Variants in SPTB observed in about 807,000 individuals in gnomAD.
The protein encoded by SPTB is spectrin beta, erythrocytic.
A neutral mutation model predicts 256.2 loss-of-function variants in SPTB; 45 were observed. That is an observed-to-expected ratio of 0.18 (90% CI 0.14 to 0.23). The LOEUF is 0.23. SPTB is among the 10% of genes least tolerant of loss of function. SPTB has a pLI of 1.00. For synonymous variants in SPTB, 1,231 were observed against 1,243.1 expected, an observed-to-expected ratio of 0.99 and a Z score of 0.21; for missense variants, 2,715 against 3,040.4, an observed-to-expected ratio of 0.89 and a Z score of 2.52.
chr14:64,804,477 C>T (rs554744592), intron 3 of SPTB, among the ~76,000 whole-genome samples: 2 of 152,330 alleles, frequency 1.3e-5, no homozygotes, highest in South Asian at 4.1e-4. Flanking sequence ...AAAACATAAA[C>T]CTTCATCTAC....
intron 1 of SPTB, among the ~76,000 whole-genome samples, chr14:64,831,671 A>G (rs1239182399): frequency 6.6e-6 from 1 of 152,228 alleles, no homozygotes; most frequent in African/African-American, 2.4e-5. Flanking sequence ...ACACGGGCCT[A>G]GAAGGGGACA....
chr14:64,868,614 C>T (rs1057231882), intron 1 of SPTB, among the ~76,000 whole-genome samples: 13 of 152,094 alleles, frequency 8.5e-5, no homozygotes, highest in Non-Finnish European at 1.5e-4. Context: ...GGAACAGCAG[C>T]AAATGCAGCA....
chr14:64,759,881 T>C lies in SPTB; in HGVS notation c.6346-6088A>G, dbSNP rs910862789. Among the ~76,000 whole-genome samples, 3 of 151,534 alleles carry C rather than the reference T, an allele frequency of 2.0e-5. No homozygotes were observed. Among genetic ancestry groups the C allele is most frequent in the Non-Finnish European group, 4.4e-5 (3 of 67,910 alleles). On this transcript the variant is annotated intron_variant, in intron 32 of 35. Coordinates refer to ENST00000644917, the MANE Select transcript of SPTB (RefSeq NM_001355436.2). This position sits in a 1 kb window ranked among gnomAD's most constrained non-coding sequence, Gnocchi z 4.8. ...AGGGAGTCTAGACCATAAATGGAGG[T>C]GAAGGAGAATTGCAGAGTGGGCTGA...
intron 28 of SPTB, 54 bp from the exon 29 acceptor site, chr14:64,769,172 A>C: frequency 1.3e-6 from 2 of 1,517,840 alleles, no homozygotes; most frequent in Non-Finnish European, 1.8e-6. Flanking sequence ...TCACCATCTG[A>C]GGCAGTGCGC....
chr14:64,754,054 A>C, intron 32 of SPTB: 17 of 569,784 alleles, frequency 3.0e-5, no homozygotes, highest in East Asian at 1.2e-4. Flanking sequence ...CCTCTCTCCA[A>C]TGTAACATAG....
At chr14:64,769,298 A>G (rs2082241848) in intron 28 of SPTB, among the ~76,000 whole-genome samples, 180 bp from the exon 29 acceptor site, 2 of 152,154 alleles carry the variant, frequency 1.3e-5, no homozygotes, top group Admixed American at 1.3e-4. Context: ...TCTGAGGCCC[A>G]TGCGCCTCTC....
rs534815375 is a variant in SPTB at position 64,795,109 on chromosome 14, C to T, written c.1644+228G>A. ...GTGCTGCCACAAACCCAAGATTTCT[C>T]GGTCACCAGGGTACCATGGACCTGG... is the stretch of plus-strand genomic sequence containing the variant. On this transcript the variant is annotated intron_variant, in intron 12 of 35. Coordinates refer to ENST00000644917, the MANE Select transcript of SPTB (RefSeq NM_001355436.2). The surrounding 1 kb of genome is among the most constrained non-coding windows in gnomAD (Gnocchi z 6.5). 1.2e-3 allele frequency among the ~76,000 whole-genome samples: 176 copies of T among 152,372 alleles called. No homozygotes were observed. The highest frequency in any genetic ancestry group is 4.1e-3 in the African/African-American group (169 of 41,590).
intron 1 of SPTB, among the ~76,000 whole-genome samples, chr14:64,833,354 C>G (rs573649517): frequency 8.9e-4 from 136 of 152,236 alleles, no homozygotes; most frequent in African/African-American, 3.2e-3. Flanking sequence ...AGTTCGAGAC[C>G]AGGCTGGCCA....
At chr14:64,753,446 G>A (rs1368307302) in intron 33 of SPTB, 91 bp downstream of exon 33, 3 of 1,595,678 alleles carry the variant, frequency 1.9e-6, no homozygotes, top group Admixed American at 3.4e-5. Context: ...CCCTCCCCCA[G>A]CACATGCCCA....
In SPTB at chr14:64,816,235, C is replaced by A. The variant is rs17826201; in HGVS notation, c.148+6712G>T. 0.028 allele frequency among the ~76,000 whole-genome samples: 4,321 copies of A among 152,272 alleles called. 141 individuals are homozygous for A. Among genetic ancestry groups the A allele is most frequent in the East Asian group, 0.17 (886 of 5,168 alleles). ...ATGCTCCCTCTCTCGGACCCTTCAA[C>A]CCTGCCACTGTATGGAAAGGCACGC... On this transcript the variant is annotated intron_variant, in intron 2 of 35. Transcript: ENST00000644917. This position sits in a 1 kb window ranked among gnomAD's most constrained non-coding sequence, Gnocchi z 4.2.
rs939314646 is a variant in SPTB, at chr14:64,873,988, G to C, written c.-52+5804C>G. Among the ~76,000 whole-genome samples the C allele has an allele frequency of 3.9e-5, 6 of 152,160 alleles. No homozygotes were observed. The highest frequency in any genetic ancestry group is 8.8e-5 in the Non-Finnish European group (6 of 68,030). ...GTGATCATCATCTTGTACTGGCTGG[G>C]ATCTAATTCACTTTCTCTTCACTGC... is the stretch of plus-strand genomic sequence containing the variant. On this transcript the variant is annotated intron_variant, in intron 1 of 35. Transcript: ENST00000644917. This position sits in a 1 kb window ranked among gnomAD's most constrained non-coding sequence, Gnocchi z 4.3.
In SPTB at chr14:64,866,303, A is replaced by T. The variant is rs535508503; in HGVS notation, c.-52+13489T>A. Among the ~76,000 whole-genome samples, 1 of 152,160 alleles carries T rather than the reference A, an allele frequency of 6.6e-6. No individual in the cohort carries two copies. Among genetic ancestry groups the T allele is most frequent in the African/African-American group, 2.4e-5 (1 of 41,438 alleles). On this transcript the variant is annotated intron_variant, in intron 1 of 35. Coordinates refer to ENST00000644917, the MANE Select transcript of SPTB (RefSeq NM_001355436.2). The surrounding 1 kb of genome is among the most constrained non-coding windows in gnomAD (Gnocchi z 4.6). The stretch of plus-strand genomic sequence containing the variant: ...CGAGTTTGCTGACTGTTGTCTGCTT[A>T]TCGCTGGCCTCAGGACACCCGTAAG...
rs2082717550 is a variant in SPTB, at chr14:64,793,699, T to C, written c.1964A>G (p.Glu655Gly). 6.2e-7 allele frequency: 1 copy of C among 1,614,058 alleles called. No individual in the cohort carries two copies. The highest frequency in any genetic ancestry group is 1.7e-5 in the Admixed American group (1 of 60,004). Residue 655 changes from glutamate to glycine, a missense_variant, in exon 14 of 36, where the codon GAG becomes GGG. By Grantham distance (98) the Glu-to-Gly change is moderately conservative (BLOSUM62 -2). Transcript: ENST00000644917. The surrounding 1 kb of genome is among the most constrained non-coding windows in gnomAD (Gnocchi z 7.0). ...EMDEAESWIK[E>G]KEQIYSSLDY... ...CAGGGAAGAATAGATCTGCTCCTTCTCCTTGATCCAGCTCTCAGCCTCATC... is the reference window on the plus strand; with the variant it reads ...CAGGGAAGAATAGATCTGCTCCTTCCCCTTGATCCAGCTCTCAGCCTCATC...
chr14:64,765,041 T>TGTGTGTGC (rs570414192), intron 32 of SPTB, among the ~76,000 whole-genome samples: 62 of 117,000 alleles, frequency 5.3e-4, no homozygotes, highest in African/African-American at 1.8e-3. Context: ...TGTGTGTGTG[T>TGTGTGTGC]GCGCGCGCGC....
rs141226650 is a variant in SPTB at position 64,773,348 on chromosome 14, G to A, written c.5050C>T (p.Arg1684Cys). 412 of 1,614,140 alleles carry A rather than the reference G, an allele frequency of 2.6e-4. 1 individual carries two copies. In the African/African-American group the frequency reaches 4.6e-3, roughly 18 times the overall value. The change falls in exon 25 of 36, where the codon CGC becomes TGC. Residue 1684 changes from arginine to cysteine, a missense_variant. Around this residue, in one of 4 missense-constraint regions of SPTB, gnomAD observed 2,239 missense variants for 2,384.4 expected, o/e 0.94. Transcript: ENST00000644917. Reference protein sequence around the residue: ...GLKDVAEERKRKLENMYHLFQ... With the variant: ...GLKDVAEERKCKLENMYHLFQ... Reference sequence around the variant, plus strand: ...AGGTGGTACATGTTCTCCAGCTTGCGCTTGCGCTCTTCCGCCACGTCCTTC... The same window carrying A: ...AGGTGGTACATGTTCTCCAGCTTGCACTTGCGCTCTTCCGCCACGTCCTTC...
intron 2 of SPTB, among the ~76,000 whole-genome samples, chr14:64,822,592 G>A (rs1189088904): frequency 6.6e-6 from 1 of 151,962 alleles, no homozygotes; most frequent in Non-Finnish European, 1.5e-5. Flanking sequence ...GCAGGAAATC[G>A]GGGTTAACCA....
Position 64,817,285 on chromosome 14 carries a change from C to T in SPTB, c.148+5662G>A, listed in dbSNP as rs190781226. ...TGTGTCCTGCCTGGGGGCAGGGGGA[C>T]AATCTCACCATGGCTGACCTCCCAG... On this transcript the variant is annotated intron_variant, in intron 2 of 35. Transcript: ENST00000644917. Among the ~76,000 whole-genome samples the T allele has an allele frequency of 4.7e-4, 72 of 152,298 alleles. No homozygotes were observed. The East Asian group carries it at 0.013, about 27-fold the overall frequency.
rs999399392 is a variant in SPTB at position 64,827,444 on chromosome 14, T to C, written c.-51-4299A>G. ...TCTCTAGCTGTAAGGTTTGACCCCCTCACCTGTTTTCTAGTTTGTCCTGCC... is the reference window on the plus strand; with the variant it reads ...TCTCTAGCTGTAAGGTTTGACCCCCCCACCTGTTTTCTAGTTTGTCCTGCC... On this transcript the variant is annotated intron_variant, in intron 1 of 35. Coordinates refer to ENST00000644917, the MANE Select transcript of SPTB (RefSeq NM_001355436.2). The surrounding 1 kb of genome is among the most constrained non-coding windows in gnomAD (Gnocchi z 4.6). Among the ~76,000 whole-genome samples, 3 of 152,192 alleles carry C rather than the reference T, an allele frequency of 2.0e-5. No individual in the cohort carries two copies. The highest frequency in any genetic ancestry group is 7.2e-5 in the African/African-American group (3 of 41,448).
intron 32 of SPTB, among the ~76,000 whole-genome samples, chr14:64,765,445 G>A (rs910956272): frequency 1.3e-5 from 2 of 152,162 alleles, no homozygotes; most frequent in African/African-American, 4.8e-5. Context: ...TAAGGGGCCT[G>A]CTCCAGGTAA....
Sources: allele counts gnomAD v4.1 joint callset (sites outside exome capture counted in the v4.1 genomes callset), GRCh38; gene constraint gnomAD v4.1.1; regional missense constraint gnomAD v4.1.1; non-coding constraint Gnocchi (gnomAD v3.1); transcripts MANE v1.5; gene names NCBI Gene and HGNC (gene_info 2026-07-23, HGNC 2026-07-21).